Variants in PCNX1 observed in about 807,000 individuals in gnomAD.
PCNX1 encodes the protein pecanex-like protein 1.
PCNX1 carries 78 observed loss-of-function variants against 242.2 expected under a neutral mutation model. The ratio of observed to expected loss-of-function variants is 0.32; its 90% CI spans 0.27 to 0.39. The LOEUF (loss-of-function observed/expected upper bound fraction) is 0.39. Among genes scored for constraint, PCNX1 ranks in the 10% least tolerant of loss-of-function variants. PCNX1 has a pLI of 1.00. For synonymous variants in PCNX1, 1,024 were observed against 1,032.9 expected (o/e 0.99, Z 0.17); for missense variants, 2,581 against 2,856.5 (o/e 0.90, Z 2.20).
intron 9 of PCNX1, among the ~76,000 whole-genome samples, chr14:71,010,323 C>T (rs1203745917): frequency 1.3e-5 from 2 of 152,002 alleles, no homozygotes; most frequent in Non-Finnish European, 1.5e-5. Flanking sequence ...CATGTAAGTT[C>T]TTACATAACT....
intron 11 of PCNX1, among the ~76,000 whole-genome samples, chr14:71,014,534 T>C (rs2059908678): frequency 6.6e-6 from 1 of 152,186 alleles, no homozygotes; most frequent in Non-Finnish European, 1.5e-5. Context: ...GAAGATACTT[T>C]TAAAAGTCCC....
At chr14:70,953,226 C>T (rs2057857320) in intron 2 of PCNX1, among the ~76,000 whole-genome samples, 1 of 152,144 alleles carries the variant, frequency 6.6e-6, no homozygotes, top group African/African-American at 2.4e-5. Flanking sequence ...GTTCAGTGGG[C>T]TTTGATCACA....
chr14:71,001,486 A>G (rs1270824303), intron 8 of PCNX1, among the ~76,000 whole-genome samples: 2 of 152,200 alleles, frequency 1.3e-5, no homozygotes, highest in Admixed American at 6.5e-5. Flanking sequence ...TCAGAAGTTT[A>G]TCACTGTTAT....
chr14:71,096,816 G>A (rs1347529558), intron 30 of PCNX1, among the ~76,000 whole-genome samples: 2 of 152,158 alleles, frequency 1.3e-5, no homozygotes, highest in African/African-American at 4.8e-5. Context: ...AAGAAATGTT[G>A]TAAAGAAGTG....
intron 25 of PCNX1, among the ~76,000 whole-genome samples, chr14:71,055,926 C>G (rs933002758): frequency 6.6e-6 from 1 of 152,134 alleles, no homozygotes; most frequent in Non-Finnish European, 1.5e-5. Flanking sequence ...CCACCCTTCC[C>G]TCAATGTTTT....
intron 30 of PCNX1, among the ~76,000 whole-genome samples, chr14:71,097,152 T>C (rs2062311308): frequency 6.6e-6 from 1 of 152,208 alleles, no homozygotes; most frequent in Admixed American, 6.5e-5. Flanking sequence ...CTTGATTCTT[T>C]TTTATGGCTG....
At chr14:71,094,487 T>C (rs967594336) in intron 30 of PCNX1, among the ~76,000 whole-genome samples, 1 of 152,244 alleles carries the variant, frequency 6.6e-6, no homozygotes, top group African/African-American at 2.4e-5. Context: ...GCTGAAAATA[T>C]AAAATTTCTA....
intron 3 of PCNX1, among the ~76,000 whole-genome samples, chr14:70,967,724 A>G (rs931825500): frequency 1.3e-5 from 2 of 152,198 alleles, no homozygotes; most frequent in African/African-American, 4.8e-5. Context: ...ATAATGATAC[A>G]CTTACAATTC....
chr14:70,962,221 C>T lies in PCNX1; in HGVS notation c.363-5C>T. 2 of 1,564,240 alleles carry T rather than the reference C, an allele frequency of 1.3e-6. No individual in the cohort carries two copies. The highest frequency in any genetic ancestry group is 8.8e-7 in the Non-Finnish European group (1 of 1,134,966). On this transcript the variant is annotated splice_region_variant and splice_polypyrimidine_tract_variant and intron_variant, in intron 2 of 35. Transcript: ENST00000304743. ...TTACTCTTTTTCTCATTTTTTTCTC[C>T]ACAGTGATCCTGGTGGAGGGATTGA...
chr14:70,979,226 A>G (rs2058767487), intron 6 of PCNX1, among the ~76,000 whole-genome samples: 1 of 152,082 alleles, frequency 6.6e-6, no homozygotes, highest in Non-Finnish European at 1.5e-5. Flanking sequence ...AATTTCACAC[A>G]TTATTCTTAA....
chr14:71,079,947 A>C (rs1028215636), intron 28 of PCNX1, among the ~76,000 whole-genome samples: 4 of 152,164 alleles, frequency 2.6e-5, no homozygotes, highest in Non-Finnish European at 4.4e-5. Flanking sequence ...GTCTTTGCCT[A>C]TGCCTATGTC....
chr14:71,092,060 C>T (rs943720362), intron 30 of PCNX1, among the ~76,000 whole-genome samples: 2 of 152,092 alleles, frequency 1.3e-5, no homozygotes, highest in Non-Finnish European at 2.9e-5. Flanking sequence ...GCTGAAAGGG[C>T]CCCACGAAAC....
Position 71,055,526 on chromosome 14 carries a change from A to G in PCNX1, c.4600A>G (p.Asn1534Asp). 6.2e-7 allele frequency: 1 copy of G among 1,606,646 alleles called. No individual in the cohort carries two copies. The highest frequency in any genetic ancestry group is 8.5e-7 in the Non-Finnish European group (1 of 1,173,988). The change falls in exon 25 of 36, where the codon AAT becomes GAT. Residue 1534 changes from asparagine (N) to aspartate (D), a missense_variant. Around this residue, in one of 9 missense-constraint regions of PCNX1, gnomAD observed 99 missense variants for 147.3 expected, o/e 0.67. Transcript: ENST00000304743. Reference sequence around the variant, plus strand: ...TAGCACAAAACGAGTGGATCATTCAAATACCAGATTGGCTTCCCAGCTTGA... The same window carrying G: ...TAGCACAAAACGAGTGGATCATTCAGATACCAGATTGGCTTCCCAGCTTGA... Reference protein sequence around the residue: ...DYNTKRVDHSNTRLASQLDRN... With the variant: ...DYNTKRVDHSDTRLASQLDRN...
intron 7 of PCNX1, among the ~76,000 whole-genome samples, chr14:70,994,621 C>G (rs536983514): frequency 7.5e-4 from 113 of 151,350 alleles, no homozygotes; most frequent in African/African-American, 2.5e-3. Flanking sequence ...TTCTAGAGGT[C>G]TAATAATTTT....
At chr14:71,098,523 TGTG>T (rs1324356919) in intron 30 of PCNX1, among the ~76,000 whole-genome samples, 1 of 125,546 alleles carries the variant, frequency 8.0e-6, no homozygotes, top group African/African-American at 3.1e-5. Context: ...TGTGTGTGTG[TGTG>T]TGTGTGTGTG....
At chr14:70,952,408 C>T (rs1595022147) in intron 2 of PCNX1, among the ~76,000 whole-genome samples, 1 of 152,314 alleles carries the variant, frequency 6.6e-6, no homozygotes, top group South Asian at 2.1e-4. Context: ...TCTCCCATTT[C>T]ATTCCACTTT....
intron 18 of PCNX1, among the ~76,000 whole-genome samples, chr14:71,034,750 A>AT (rs560468505): frequency 1.3e-5 from 2 of 152,250 alleles, no homozygotes; most frequent in East Asian, 1.9e-4. Context: ...CTGTTCACAT[A>AT]TTTTTTTCAG....
chr14:70,913,354 G>A (rs140071732), intron 1 of PCNX1, among the ~76,000 whole-genome samples: 251 of 152,180 alleles, frequency 1.6e-3, no homozygotes, highest in African/African-American at 5.7e-3. Flanking sequence ...GGTTAGGTTC[G>A]GTGTCAGTCT....
At chr14:70,949,502 G>A (rs564032995) in intron 2 of PCNX1, among the ~76,000 whole-genome samples, 5 of 151,826 alleles carry the variant, frequency 3.3e-5, no homozygotes, top group East Asian at 3.9e-4. Context: ...TAAGCAAATT[G>A]TGATATTTTA....
Sources: allele counts gnomAD v4.1 joint callset (sites outside exome capture counted in the v4.1 genomes callset), GRCh38; gene constraint gnomAD v4.1.1; regional missense constraint gnomAD v4.1.1; transcripts MANE v1.5; gene names NCBI Gene and HGNC (gene_info 2026-07-23, HGNC 2026-07-21).